CXCL12: variants seen among roughly 807,000 people sequenced by gnomAD.
The protein encoded by CXCL12 is stromal cell-derived factor 1.
CXCL12 carries 4 observed loss-of-function variants against 10.7 expected under a neutral mutation model. The observed-to-expected ratio is 0.37, with a 90% CI of 0.18 to 0.86. The LOEUF (loss-of-function observed/expected upper bound fraction) is 0.86, where lower values mean the gene tolerates loss of function less well. CXCL12 is among the 40% of genes least tolerant of loss of function. The pLI, the probability that CXCL12 is intolerant of heterozygous loss-of-function variation, is 0.43. For synonymous variants in CXCL12, 54 were observed against 45.4 expected (o/e 1.19, Z -0.77); for missense variants, 122 against 110.4 (o/e 1.10, Z -0.47).
At chr10:44,380,558 C>G (rs1235529061) in intron 2 of CXCL12, 1 of 583,440 alleles carries the variant, frequency 1.7e-6, no homozygotes, top group African/African-American at 1.9e-5. Context: ...AGCAGGGTGC[C>G]CAGGCCAAGA....
In CXCL12 at chr10:44,377,147, T is replaced by G. The variant is rs1454064838; in HGVS notation, c.*1486A>C. ...TAGGACGTTTATACCATGAAACAATTAGCATTTTATTGCTAGTGCATATAA... is the reference window on the plus strand; with the variant it reads ...TAGGACGTTTATACCATGAAACAATGAGCATTTTATTGCTAGTGCATATAA... On this transcript the variant is annotated 3_prime_UTR_variant, in exon 3 of 3. Coordinates refer to ENST00000343575, the MANE Select transcript of CXCL12 (RefSeq NM_199168.4). 3.0e-6 allele frequency: 3 copies of G among 986,148 alleles called. No individual in the cohort carries two copies. The highest frequency in any genetic ancestry group is 5.2e-4 in the Middle Eastern group (1 of 1,936). The allele number at this position is 986,148 out of a possible 1,614,324, so 61.1% of individuals were successfully genotyped here.
At position 44,385,017 on chromosome 10, in the gene CXCL12, GC is replaced by G; in HGVS notation, c.-13del. On this transcript the variant is annotated 5_prime_UTR_variant, in exon 1 of 3. Transcript: ENST00000343575. ...ACCTTGGCGTTCATGGCGCGGGCGG[GC>G]GGGCGGGCGGGCGGACGAGCGCGGG... 1 of 1,452,170 alleles carries G rather than the reference GC, an allele frequency of 6.9e-7. No homozygotes were observed. The highest frequency in any genetic ancestry group is 1.3e-5 in the South Asian group (1 of 77,224). The allele number at this position is 1,452,170 out of a possible 1,614,324, so 90.0% of individuals were successfully genotyped here.
downstream of CXCL12, among the ~76,000 whole-genome samples, chr10:44,376,560 T>A (rs897666686): frequency 6.6e-6 from 1 of 152,232 alleles, no homozygotes; most frequent in African/African-American, 2.4e-5. Flanking sequence ...TAGACGCCTG[T>A]GAACACTCCT....
At chr10:44,384,413 C>A (rs1564465050) in intron 1 of CXCL12, among the ~76,000 whole-genome samples, 1 of 152,200 alleles carries the variant, frequency 6.6e-6, no homozygotes, top group Non-Finnish European at 1.5e-5. Flanking sequence ...GGGAGAGGAT[C>A]GGCTTCGCAG....
At position 44,377,365 on chromosome 10, in the gene CXCL12, T is replaced by C. The variant is rs1839486068; in HGVS notation, c.*1268A>G. 9.3e-7 allele frequency: 1 copy of C among 1,070,822 alleles called. No individual in the cohort carries two copies. The highest frequency in any genetic ancestry group is 2.8e-5 in the South Asian group (1 of 36,184). The allele number at this position is 1,070,822 out of a possible 1,614,324, so 66.3% of individuals were successfully genotyped here. On this transcript the variant is annotated 3_prime_UTR_variant, in exon 3 of 3. Transcript: ENST00000343575. ...TATGAATTGTTCGACTATAAATATATTTTGAAATACATTTGTTTTCTAAAG... is the reference window on the plus strand; with the variant it reads ...TATGAATTGTTCGACTATAAATATACTTTGAAATACATTTGTTTTCTAAAG...
chr10:44,384,948 C>A lies in CXCL12; in HGVS notation c.58G>T (p.Asp20Tyr), dbSNP rs776625285. Residue 20 changes from aspartate to tyrosine, a missense_variant, in exon 1 of 3, where the codon GAC (aspartate) becomes TAC (tyrosine). By Grantham distance (160) the Asp-to-Tyr change is radical (BLOSUM62 -3). Transcript: ENST00000343575. The part of the protein sequence containing the change: ...VLVLTALCLS[D>Y]GKPVSLSYRC... ...CCTCCCCGCCGAGCGCACTTACCGT[C>A]GCTGAGGCAGAGCGCGGTCAGCACG... 1.8e-5 allele frequency: 26 copies of A among 1,411,336 alleles called. No individual in the cohort carries two copies. Among genetic ancestry groups the A allele is most frequent in the Middle Eastern group, 4.8e-4 (2 of 4,170 alleles). The allele number at this position is 1,411,336 out of a possible 1,614,324, so 87.4% of individuals were successfully genotyped here.
chr10:44,378,914 T>C (rs371767599), intron 2 of CXCL12, among the ~76,000 whole-genome samples, 191 bp from the exon 3 acceptor site: 2 of 152,154 alleles, frequency 1.3e-5, no homozygotes, highest in African/African-American at 4.8e-5. Flanking sequence ...GGAAGTTCCA[T>C]TGCAGAGACA....
downstream of CXCL12, chr10:44,376,164 T>G (rs2132040107): frequency 1.0e-5 from 9 of 875,946 alleles, no homozygotes; most frequent in South Asian, 1.5e-4. Context: ...AGGCCCCTGG[T>G]CAAAGCACTG....
chr10:44,371,716 C>T (rs1367352141), downstream of CXCL12: 1 of 152,702 alleles, frequency 6.5e-6, no homozygotes, highest in Non-Finnish European at 1.5e-5. Context: ...AATTTACTTC[C>T]TACTTCCTAC....
At chr10:44,373,235 TG>T (rs1465772409), downstream of CXCL12, 39 of 1,562,480 alleles carry the variant, frequency 2.5e-5, no homozygotes, top group Middle Eastern at 8.3e-4. Context: ...CCTGGGGCCC[TG>T]CCCTGGCAGG....
chr10:44,380,988 C>T (rs1839614125), intron 1 of CXCL12, 108 bp from the exon 2 acceptor site: 1 of 891,690 alleles, frequency 1.1e-6, no homozygotes. Context: ...GAGACGGCAT[C>T]ACTGGGGTAA....
chr10:44,381,624 A>C (rs1839633473), intron 1 of CXCL12, among the ~76,000 whole-genome samples: 1 of 152,264 alleles, frequency 6.6e-6, no homozygotes, highest in Admixed American at 6.5e-5. Context: ...TCACCAATTT[A>C]CAAAATGCCA....
At chr10:44,372,544 G>T, downstream of CXCL12, 2 of 814,962 alleles carry the variant, frequency 2.5e-6, no homozygotes, top group Non-Finnish European at 3.2e-6. Context: ...AGACACAGAT[G>T]TGCACAGTGT....
downstream of CXCL12, chr10:44,374,458 G>A (rs189476931): frequency 1.8e-4 from 84 of 455,968 alleles, no homozygotes; most frequent in Middle Eastern, 2.3e-3. Flanking sequence ...AAGAGGTGGG[G>A]AGGGCAGAAG....
At chr10:44,383,252 C>A (rs948656614) in intron 1 of CXCL12, among the ~76,000 whole-genome samples, 2 of 152,160 alleles carry the variant, frequency 1.3e-5, no homozygotes, top group Non-Finnish European at 2.9e-5. Context: ...AACATTCTGG[C>A]GATGTGTGTA....
At chr10:44,378,815 C>T (rs1839540573) in intron 2 of CXCL12, 92 bp from the exon 3 acceptor site, 1 of 1,273,036 alleles carries the variant, frequency 7.9e-7, no homozygotes, top group Non-Finnish European at 1.1e-6. Context: ...CCATCTAGGG[C>T]CCTCGCTGGC....
At chr10:44,384,134 G>A (rs2132054148) in intron 1 of CXCL12, among the ~76,000 whole-genome samples, 1 of 152,320 alleles carries the variant, frequency 6.6e-6, no homozygotes, top group East Asian at 1.9e-4. Flanking sequence ...TCATTCTGGG[G>A]CAAAGCGCTT....
chr10:44,378,865 C>T, intron 2 of CXCL12, 142 bp from the exon 3 acceptor site: 1 of 777,298 alleles, frequency 1.3e-6, no homozygotes, highest in Non-Finnish European at 2.2e-6. Context: ...TCCAGAGGTG[C>T]TCGCGGTGTG....
intron 1 of CXCL12, 30 bp downstream of exon 1, chr10:44,384,915 C>A (rs1474057680): frequency 1.3e-6 from 2 of 1,534,018 alleles, no homozygotes; most frequent in Middle Eastern, 2.1e-4. Context: ...CCCAGAGCCT[C>A]GCCAGGGCCT....
Sources: gnomAD v4.1 joint callset for allele counts (sites outside exome capture counted in the v4.1 genomes callset) on GRCh38, gnomAD v4.1.1 for gene constraint, MANE v1.5 for transcripts, NCBI Gene and HGNC (gene_info 2026-07-23, HGNC 2026-07-21) for gene names.